The following A1CF variants were observed in gnomAD, a reference collection of about 807,000 sequenced individuals.
A1CF encodes the protein APOBEC1 complementation factor.
Under a neutral mutation model 68.9 loss-of-function variants are expected in A1CF, and 48 were observed. The observed-to-expected ratio is 0.70, with a 90% confidence interval of 0.55 to 0.89. A1CF has a LOEUF of 0.89. Among genes scored for constraint, A1CF ranks in the 40% least tolerant of loss-of-function variants. The probability of loss-of-function intolerance (pLI) is 0.00; values close to 1 mark genes in which losing one functional copy is unlikely to be tolerated. For missense variants in A1CF, 653 were observed against 718.9 expected (o/e 0.91, Z 1.05); for synonymous variants, 272 against 260.4 (o/e 1.04, Z -0.43).
intron 3 of A1CF, among the ~76,000 whole-genome samples, chr10:50,845,196 T>C (rs1317388989): frequency 6.6e-6 from 1 of 152,200 alleles, no homozygotes; most frequent in African/African-American, 2.4e-5. Flanking sequence ...GTTCCTGTAC[T>C]TTTTTCTTAC....
chr10:50,846,606 A>G lies in A1CF; in HGVS notation c.100-2484T>C, dbSNP rs144055771. On this transcript the variant is annotated intron_variant, in intron 3 of 12. Transcript: ENST00000373997. Reference sequence around the variant, plus strand: ...TAATTCCAGAAATTCTGCTTTGAATAGCTTTGATAGTTTGAAAATAAATAG... The same window carrying G: ...TAATTCCAGAAATTCTGCTTTGAATGGCTTTGATAGTTTGAAAATAAATAG... Among the ~76,000 whole-genome samples, 578 of 152,336 alleles carry G rather than the reference A, an allele frequency of 3.8e-3. 3 individuals are homozygous for G. The highest frequency in any genetic ancestry group is 0.013 in the African/African-American group (533 of 41,562).
intron 3 of A1CF, among the ~76,000 whole-genome samples, chr10:50,846,831 ATT>A (rs1159235408): frequency 1.3e-5 from 2 of 152,122 alleles, no homozygotes; most frequent in Non-Finnish European, 1.5e-5. Flanking sequence ...TCCAAAGAAT[ATT>A]TTTTGAGACT....
chr10:50,805,695 A>C lies in A1CF; in HGVS notation c.*1034T>G, dbSNP rs940460384. The C allele has an allele frequency of 6.6e-6, 1 of 152,228 alleles. No individual in the cohort carries two copies. The highest frequency in any genetic ancestry group is 2.4e-5 in the African/African-American group (1 of 41,458). The allele number at this position is 152,228 out of a possible 1,614,324, so 9.4% of individuals were successfully genotyped here. A position where few individuals can be genotyped will look rare whatever the true frequency, so the allele number is the denominator to read the frequency against. ...TTAAAATAAATGGGTTAGATAATGC[A>C]AAGCTAATCCCAAGTTAATATAAGC... is the stretch of plus-strand genomic sequence containing the variant. On this transcript the variant is annotated 3_prime_UTR_variant, in exon 13 of 13. Transcript: ENST00000373997.
intron 3 of A1CF, among the ~76,000 whole-genome samples, chr10:50,855,768 C>CA (rs1840450794): frequency 1.3e-5 from 2 of 151,918 alleles, no homozygotes; most frequent in African/African-American, 4.8e-5. Flanking sequence ...TGTAAATATT[C>CA]AACATTCAAT....
chr10:50,836,382 G>A, intron 5 of A1CF, 70 bp from the exon 6 acceptor site: 1 of 1,500,912 alleles, frequency 6.7e-7, no homozygotes, highest in Admixed American at 2.1e-5. Context: ...GTATGGCTGT[G>A]GGCCAAATGT....
At chr10:50,879,544 A>G (rs1236212872) in intron 1 of A1CF, among the ~76,000 whole-genome samples, 1 of 152,200 alleles carries the variant, frequency 6.6e-6, no homozygotes, top group East Asian at 1.9e-4. Context: ...CAGGAAACTC[A>G]CAATCATGGT....
At chr10:50,816,307 C>T (rs562812560) in intron 8 of A1CF, 28 bp from the exon 9 acceptor site, 4 of 1,608,742 alleles carry the variant, frequency 2.5e-6, no homozygotes, top group South Asian at 1.1e-5. Flanking sequence ...GAAATATCAA[C>T]GCGAGATGAT....
At chr10:50,847,043 G>A (rs1278247453) in intron 3 of A1CF, among the ~76,000 whole-genome samples, 1 of 152,188 alleles carries the variant, frequency 6.6e-6, no homozygotes, top group African/African-American at 2.4e-5. Flanking sequence ...TTGCTAATAT[G>A]TCAGGTACTA....
At chr10:50,864,664 G>T (rs1348915633) in intron 1 of A1CF, among the ~76,000 whole-genome samples, 1 of 151,976 alleles carries the variant, frequency 6.6e-6, no homozygotes, top group Non-Finnish European at 1.5e-5. Context: ...TGTTGCCCAG[G>T]CTGGAGTGCA....
At chr10:50,872,814 T>TA (rs1458936209) in intron 1 of A1CF, among the ~76,000 whole-genome samples, 1 of 152,096 alleles carries the variant, frequency 6.6e-6, no homozygotes, top group Admixed American at 6.6e-5. Context: ...AGCTGTCTGC[T>TA]ATGCAGAGTC....
intron 1 of A1CF, among the ~76,000 whole-genome samples, chr10:50,868,506 A>G (rs10994779): frequency 1.3e-5 from 2 of 152,166 alleles, no homozygotes; most frequent in South Asian, 4.1e-4. Context: ...AGACATCACA[A>G]AAAGTCCCAA....
intron 8 of A1CF, among the ~76,000 whole-genome samples, chr10:50,816,704 A>T (rs1355894596): frequency 6.6e-6 from 1 of 152,216 alleles, no homozygotes; most frequent in African/African-American, 2.4e-5. Flanking sequence ...ATGAAGGTGA[A>T]AGGAAACCAA....
intron 3 of A1CF, among the ~76,000 whole-genome samples, chr10:50,855,655 G>A (rs559912026): frequency 1.3e-5 from 2 of 152,072 alleles, no homozygotes; most frequent in South Asian, 2.1e-4. Context: ...CCTGGGTCAC[G>A]TTATTAAGTA....
chr10:50,813,962 T>G lies in A1CF; in HGVS notation c.1218A>C (p.Lys406Asn). 2 of 1,613,942 alleles carry G rather than the reference T, an allele frequency of 1.2e-6. No homozygotes were observed. The change falls in exon 10 of 13, where the codon AAA (lysine) becomes AAC (asparagine). Residue 406 changes from lysine to asparagine, a missense_variant. Physicochemically the swap from Lys to Asn is moderately conservative, Grantham distance 94. Coordinates refer to ENST00000373997, the MANE Select transcript of A1CF (RefSeq NM_014576.4). ...AGAGTTTGTCTTCTCTTTTGTCTCC[T>G]TTGACCTGGTATCCTCGACCCAGGC... Reference protein sequence around the residue: ...YTGLGRGYQVKGDKREDKLYD... With the variant: ...YTGLGRGYQVNGDKREDKLYD...
chr10:50,863,108 T>G (rs945042015), intron 2 of A1CF: 1 of 152,230 alleles, frequency 6.6e-6, no homozygotes, highest in African/African-American at 2.4e-5. Context: ...CTGAAGTTAT[T>G]GAGAAAATCT....
chr10:50,839,038 T>C (rs1190570114), intron 5 of A1CF, among the ~76,000 whole-genome samples: 1 of 152,180 alleles, frequency 6.6e-6, no homozygotes, highest in South Asian at 2.1e-4. Context: ...AGCACTGAGA[T>C]GTATGTATAT....
chr10:50,811,043 G>A lies in A1CF; in HGVS notation c.1457C>T (p.Ala486Val), dbSNP rs780210649. 1.1e-5 allele frequency: 18 copies of A among 1,611,986 alleles called. No homozygotes were observed. In the Admixed American group the frequency reaches 2.0e-4, roughly 18 times the overall value. Reference sequence around the variant, plus strand: ...GGAATTTGGAGAAGTTACGCACATTGCAGGATTCTGGCTGGCTAGAGCAGG... The same window carrying A: ...GGAATTTGGAGAAGTTACGCACATTACAGGATTCTGGCTGGCTAGAGCAGG... Reference protein sequence around the residue: ...TIPALASQNPAIHPFTPPKLS... With the variant: ...TIPALASQNPVIHPFTPPKLS... Residue 486 changes from alanine (A) to valine (V), a missense_variant, in exon 11 of 13, where the codon GCA (alanine) becomes GTA (valine). Transcript: ENST00000373997.
At chr10:50,842,113 G>A in intron 4 of A1CF, 121 bp from the exon 5 acceptor site, 1 of 887,618 alleles carries the variant, frequency 1.1e-6, no homozygotes, top group Non-Finnish European at 1.7e-6. Context: ...TTTGCCTCCT[G>A]CCAGTACTAT....
At position 50,818,804 on chromosome 10, in the gene A1CF, C is replaced by T. The variant is rs189280428; in HGVS notation, c.867+1748G>A. On this transcript the variant is annotated intron_variant, in intron 8 of 12. Transcript: ENST00000373997. Reference sequence around the variant, plus strand: ...CAAACTTTTTGAGTTTGAGTGGGCCCCTGAGGAGCTAATATGCAAGAGGCT... The same window carrying T: ...CAAACTTTTTGAGTTTGAGTGGGCCTCTGAGGAGCTAATATGCAAGAGGCT... 6.9e-4 allele frequency among the ~76,000 whole-genome samples: 105 copies of T among 152,212 alleles called. 1 individual carries two copies. The Middle Eastern group carries it at 0.024, about 35-fold the overall frequency.
Sources: gnomAD v4.1 joint callset for allele counts (sites outside exome capture counted in the v4.1 genomes callset) on GRCh38, gnomAD v4.1.1 for gene constraint, MANE v1.5 for transcripts, NCBI Gene and HGNC (gene_info 2026-07-23, HGNC 2026-07-21) for gene names.